The following DMRTB1 variants were observed in gnomAD, a reference collection of about 807,000 sequenced individuals.
DMRTB1 encodes the protein doublesex- and mab-3-related transcription factor B1.
DMRTB1 carries 9 observed loss-of-function variants against 25.2 expected under a neutral mutation model. That is an observed-to-expected ratio of 0.36 (90% CI 0.22 to 0.62). The LOEUF is 0.62. DMRTB1 is among the 20% of genes least tolerant of loss of function. The probability of loss-of-function intolerance (pLI) is 0.71; values close to 1 mark genes in which losing one functional copy is unlikely to be tolerated. For synonymous variants in DMRTB1, 269 were observed against 238.1 expected (o/e 1.13, Z -1.20); for missense variants, 551 against 499.3 (o/e 1.10, Z -0.99).
At chr1:53,466,386 G>C (rs1461745098) in intron 3 of DMRTB1, among the ~76,000 whole-genome samples, 1 of 152,188 alleles carries the variant, frequency 6.6e-6, no homozygotes, top group Non-Finnish European at 1.5e-5. Context: ...AGCTACTCAG[G>C]AGGCCGAGGC....
rs759055986 is a variant in DMRTB1, at chr1:53,460,012, C to T, written c.559C>T (p.Pro187Ser). The change falls in exon 1 of 4, where the codon CCA becomes TCA. Residue 187 changes from proline to serine, a missense_variant. Transcript: ENST00000371445. ...CAGGCCGATGCGGACCGTGCCCGGC[C>T]CACTGTTCACCGACTTTGGTAAGTC... ...LRRPMRTVPG[P>S]LFTDFVRPLN... 1.8e-5 allele frequency: 29 copies of T among 1,581,144 alleles called. No individual in the cohort carries two copies. Among genetic ancestry groups the T allele is most frequent in the Non-Finnish European group, 2.3e-5 (27 of 1,172,636 alleles).
intron 2 of DMRTB1, among the ~76,000 whole-genome samples, chr1:53,463,725 A>G (rs1169825944): frequency 1.3e-5 from 2 of 152,256 alleles, no homozygotes; most frequent in Non-Finnish European, 2.9e-5. Flanking sequence ...TTAACAAAGA[A>G]CACTTTTAAG....
rs1222775140 is a variant in DMRTB1, at chr1:53,459,786, C to T, written c.333C>T (p.Pro111=). 1.4e-6 allele frequency: 2 copies of T among 1,397,900 alleles called. No homozygotes were observed. Among genetic ancestry groups the T allele is most frequent in the Non-Finnish European group, 1.9e-6 (2 of 1,079,674 alleles). 86.6% of individuals were successfully genotyped at this position (1,397,900 alleles called of 1,614,324 possible). Residue 111 remains proline (P), a synonymous_variant, in exon 1 of 4, where the codon CCC becomes CCT. Transcript: ENST00000371445. ...CCTCCGGAGACGCCGACCCGGGACC[C>T]GAGGGCCGCGCGGCCGCTTGCTTCT... ...GTPSGDADPG[P]EGRAAACFFE... is the part of the protein sequence containing the mutation.
intron 1 of DMRTB1, chr1:53,460,270 G>T (rs1319273381): frequency 4.0e-6 from 2 of 501,980 alleles, no homozygotes; most frequent in African/African-American, 4.1e-5. Flanking sequence ...GCTGTAGTTT[G>T]TGCCATTCCG....
rs776625008 is a variant in DMRTB1 at position 53,464,786 on chromosome 1, A to ACCACCACCT, written c.904_912dup (p.Pro302_Pro304dup). The stretch of plus-strand genomic sequence containing the variant: ...TCCACTTCCTCCCCCCGCCACCGCC[A>ACCACCACCT]CCACCACCTCCATCATCTTTCTCAC... On this transcript the variant is annotated inframe_insertion, in exon 3 of 4. Coordinates refer to ENST00000371445, the MANE Select transcript of DMRTB1 (RefSeq NM_033067.3). 6.3e-7 allele frequency: 1 copy of ACCACCACCT among 1,590,844 alleles called. No homozygotes were observed. Among genetic ancestry groups the ACCACCACCT allele is most frequent in the South Asian group, 1.1e-5 (1 of 90,518 alleles).
Position 53,464,689 on chromosome 1 carries a change from C to T in DMRTB1, c.803C>T (p.Pro268Leu), listed in dbSNP as rs147771576. 275 of 1,613,298 alleles carry T rather than the reference C, an allele frequency of 1.7e-4. No homozygotes were observed. Among genetic ancestry groups the T allele is most frequent in the Non-Finnish European group, 2.0e-4 (239 of 1,179,680 alleles). Residue 268 changes from proline to leucine, a missense_variant, in exon 3 of 4, where the codon CCG becomes CTG. Transcript: ENST00000371445. ...CCAAGCTACTACCTGCCGCCGCCGC[C>T]GCCGCCACTGCCGCCCCTTCCACCG... ...FQPSYYLPPPPPPLPPLPPLP... is the reference protein window; with the variant it reads ...FQPSYYLPPPLPPLPPLPPLP...
rs576142948 is a variant in DMRTB1, at chr1:53,464,741, G to T, written c.855G>T (p.Pro285=). The stretch of plus-strand genomic sequence containing the variant: ...TTCCACCGCAGCCCCAGTTCCTCCC[G>T]CCAGGCTACCTCTCTGCGCTCCACT... ...PPLPPQPQFL[P]PGYLSALHFL... The change falls in exon 3 of 4, where the codon CCG becomes CCT. Residue 285 remains proline (P), a synonymous_variant. Coordinates refer to ENST00000371445, the MANE Select transcript of DMRTB1 (RefSeq NM_033067.3). 9.9e-6 allele frequency: 16 copies of T among 1,613,124 alleles called. No individual in the cohort carries two copies. Among genetic ancestry groups the T allele is most frequent in the South Asian group, 6.6e-5 (6 of 91,028 alleles).
intron 1 of DMRTB1, among the ~76,000 whole-genome samples, chr1:53,460,852 G>GCA (rs1301109018): frequency 6.6e-6 from 1 of 152,234 alleles, no homozygotes; most frequent in Non-Finnish European, 1.5e-5. Context: ...GTGTGCCAGG[G>GCA]CACTGGTCCG....
intron 2 of DMRTB1, 148 bp downstream of exon 2, chr1:53,461,793 C>A: frequency 1.0e-6 from 1 of 986,518 alleles, no homozygotes; most frequent in Non-Finnish European, 1.4e-6. Flanking sequence ...CTAGGCACTG[C>A]CCAGGCACAG....
Position 53,459,967 on chromosome 1 carries a change from C to T in DMRTB1, c.514C>T (p.Pro172Ser). Residue 172 changes from proline (P) to serine (S), a missense_variant, in exon 1 of 4, where the codon CCT (proline) becomes TCT (serine). Transcript: ENST00000371445. ...FGAEAAGSGY[P>S]GPLDLRRPMR... ...GGCGGAGGCCGCAGGCAGTGGCTAC[C>T]CTGGCCCCCTAGACCTGCGCAGGCC... is the stretch of plus-strand genomic sequence containing the variant. 1.9e-6 allele frequency: 3 copies of T among 1,581,726 alleles called. No individual in the cohort carries two copies. The highest frequency in any genetic ancestry group is 2.6e-6 in the Non-Finnish European group (3 of 1,173,142).
Position 53,461,463 on chromosome 1 carries a change from C to T in DMRTB1, c.578-10C>T, listed in dbSNP as rs553066417. ...TGTCTAACACTTCCCTCCTTGCTTG[C>T]GTTCTTTAGTGCGCCCTCTGAACAT... On this transcript the variant is annotated splice_polypyrimidine_tract_variant and intron_variant, in intron 1 of 3. Coordinates refer to ENST00000371445, the MANE Select transcript of DMRTB1 (RefSeq NM_033067.3). The T allele has an allele frequency of 1.0e-5, 16 of 1,565,146 alleles. No individual in the cohort carries two copies. Among genetic ancestry groups the T allele is most frequent in the African/African-American group, 6.8e-5 (5 of 73,394 alleles).
At chr1:53,461,027 G>A (rs990131032) in intron 1 of DMRTB1, among the ~76,000 whole-genome samples, 2 of 152,194 alleles carry the variant, frequency 1.3e-5, no homozygotes, top group Admixed American at 6.5e-5. Context: ...CGAACCATGA[G>A]CCAGGCATTC....
rs760118707 is a variant in DMRTB1 at position 53,459,816 on chromosome 1, G to A, written c.363G>A (p.Glu121=). The change falls in exon 1 of 4, where the codon GAG becomes GAA. Residue 121 remains glutamate, a synonymous_variant. Transcript: ENST00000371445. The part of the protein sequence containing the change: ...PEGRAAACFF[E]QPPRGRNPGP... Reference sequence around the variant, plus strand: ...GCCGCGCGGCCGCTTGCTTCTTCGAGCAGCCCCCGCGGGGCCGGAACCCCG... The same window carrying A: ...GCCGCGCGGCCGCTTGCTTCTTCGAACAGCCCCCGCGGGGCCGGAACCCCG... 4.2e-6 allele frequency: 6 copies of A among 1,444,900 alleles called. No individual in the cohort carries two copies. Among genetic ancestry groups the A allele is most frequent in the Admixed American group, 5.5e-5 (2 of 36,466 alleles). The allele number at this position is 1,444,900 out of a possible 1,614,324, so 89.5% of individuals were successfully genotyped here.
At chr1:53,462,934 C>G (rs1210903357) in intron 2 of DMRTB1, among the ~76,000 whole-genome samples, 1 of 152,374 alleles carries the variant, frequency 6.6e-6, no homozygotes, top group African/African-American at 2.4e-5. Flanking sequence ...AAGTAAAGCA[C>G]GTTCCGTCTG....
In DMRTB1 at chr1:53,466,576, C is replaced by T. The variant is rs759922494; in HGVS notation, c.962-19C>T. On this transcript the variant is annotated intron_variant, in intron 3 of 3. Transcript: ENST00000371445. ...TTTTCGCTCTTTCTAAATCCAGCTA[C>T]CTTCTTTGTCCTTCACAGATGACCA... 3.7e-6 allele frequency: 6 copies of T among 1,611,104 alleles called. No individual in the cohort carries two copies. The highest frequency in any genetic ancestry group is 3.3e-4 in the Middle Eastern group (2 of 6,048).
Position 53,462,818 on chromosome 1 carries a change from A to G in DMRTB1, c.750+1173A>G, listed in dbSNP as rs1557922818. Among the ~76,000 whole-genome samples the G allele has an allele frequency of 3.9e-5, 6 of 152,170 alleles. No homozygotes were observed. The South Asian group carries it at 1.0e-3, about 26-fold the overall frequency. ...TCCCTCCCACAGAGGTAGAACACAC[A>G]TGGCCCTTGACTCACACCAGCACTG... On this transcript the variant is annotated intron_variant, in intron 2 of 3. Coordinates refer to ENST00000371445, the MANE Select transcript of DMRTB1 (RefSeq NM_033067.3).
In DMRTB1 at chr1:53,459,831, C is replaced by T. The variant is rs1299151859; in HGVS notation, c.378C>T (p.Gly126=). The change falls in exon 1 of 4, where the codon GGC becomes GGT. Residue 126 remains glycine, a synonymous_variant. Coordinates refer to ENST00000371445, the MANE Select transcript of DMRTB1 (RefSeq NM_033067.3). ...GCTTCTTCGAGCAGCCCCCGCGGGG[C>T]CGGAACCCCGGCCCGAGAGCCCTCC... ...AACFFEQPPR[G]RNPGPRALQP... 4.8e-6 allele frequency: 7 copies of T among 1,470,310 alleles called. No individual in the cohort carries two copies. Among genetic ancestry groups the T allele is most frequent in the Non-Finnish European group, 6.3e-6 (7 of 1,119,300 alleles). 91.1% of individuals were successfully genotyped at this position (1,470,310 alleles called of 1,614,324 possible).
chr1:53,464,121 T>C (rs1009295581), intron 2 of DMRTB1, among the ~76,000 whole-genome samples: 2 of 152,166 alleles, frequency 1.3e-5, no homozygotes, highest in South Asian at 2.1e-4. Flanking sequence ...AGTCACCACA[T>C]GTGCCAGACA....
rs189803363 is a variant in DMRTB1, at chr1:53,459,841, G to T, written c.388G>T (p.Gly130Cys). ...FEQPPRGRNP[G>C]PRALQPVLGG... ...GCAGCCCCCGCGGGGCCGGAACCCC[G>T]GCCCGAGAGCCCTCCAGCCGGTTCT... The change falls in exon 1 of 4, where the codon GGC becomes TGC. Residue 130 changes from glycine to cysteine, a missense_variant. By Grantham distance (159) the Gly-to-Cys change is radical. Transcript: ENST00000371445. 4.5e-5 allele frequency: 66 copies of T among 1,474,668 alleles called. No individual in the cohort carries two copies. The highest frequency in any genetic ancestry group is 5.4e-5 in the Non-Finnish European group (61 of 1,121,058). The allele number at this position is 1,474,668 out of a possible 1,614,324, so 91.3% of individuals were successfully genotyped here.
Sources: allele counts gnomAD v4.1 joint callset (sites outside exome capture counted in the v4.1 genomes callset), GRCh38; gene constraint gnomAD v4.1.1; transcripts MANE v1.5; gene names NCBI Gene and HGNC (gene_info 2026-07-23, HGNC 2026-07-21).